The following OPCML variants were observed in gnomAD, a reference collection of about 807,000 sequenced individuals.
The protein encoded by OPCML is opioid-binding protein/cell adhesion molecule.
Under a neutral mutation model 37.8 loss-of-function variants are expected in OPCML, and 13 were observed. The ratio of observed to expected loss-of-function variants is 0.34; its 90% CI spans 0.22 to 0.55. OPCML has a LOEUF of 0.55. OPCML is among the 20% of genes least tolerant of loss of function. OPCML has a pLI of 0.91. For missense variants in OPCML, 341 were observed against 435.6 expected, an observed-to-expected ratio of 0.78 and a Z score of 1.93; for synonymous variants, 176 against 168.8, an observed-to-expected ratio of 1.04 and a Z score of -0.33.
At chr11:132,803,171 C>G (rs999123471) in intron 2 of OPCML, among the ~76,000 whole-genome samples, 5 of 152,128 alleles carry the variant, frequency 3.3e-5, no homozygotes, top group Non-Finnish European at 7.4e-5. Flanking sequence ...TAGCAGCTCC[C>G]TCTCTTCATC....
intron 1 of OPCML, among the ~76,000 whole-genome samples, chr11:133,194,878 C>T (rs1938477053): frequency 6.6e-6 from 1 of 152,202 alleles, no homozygotes. Flanking sequence ...GTTCAGCTGG[C>T]TTCCAGCATG....
rs552616529 is a variant in OPCML at position 133,004,992 on chromosome 11, C to G, written c.62-61982G>C. The stretch of plus-strand genomic sequence containing the variant: ...GGTCCTTCCCACCTGGACTGCTGCA[C>G]TCTTACTCCTCCCATCCCTCCTTTC... On this transcript the variant is annotated intron_variant, in intron 1 of 7. Coordinates refer to ENST00000524381, the MANE Select transcript of OPCML (RefSeq NM_001012393.5). The G allele has an allele frequency of 5.1e-6, 5 of 985,430 alleles. No individual in the cohort carries two copies. In the South Asian group the frequency reaches 1.9e-4, roughly 37 times the overall value. 61.0% of individuals were successfully genotyped at this position (985,430 alleles called of 1,614,324 possible).
At chr11:132,918,322 C>T (rs952426973) in intron 2 of OPCML, among the ~76,000 whole-genome samples, 4 of 152,106 alleles carry the variant, frequency 2.6e-5, no homozygotes, top group Admixed American at 2.0e-4. Flanking sequence ...TTGACCACAC[C>T]CAGATCAAAA....
chr11:133,099,442 CTTTTTTTT>C (rs35161811), intron 1 of OPCML, among the ~76,000 whole-genome samples: 1 of 119,484 alleles, frequency 8.4e-6, no homozygotes, highest in African/African-American at 3.2e-5. Flanking sequence ...TTCTTTTTTT[CTTTTTTTT>C]TTTTTTTTTT....
chr11:133,133,132 G>C (rs1949631294), intron 1 of OPCML, among the ~76,000 whole-genome samples: 2 of 152,152 alleles, frequency 1.3e-5, no homozygotes, highest in African/African-American at 4.8e-5. Context: ...GACTCAGAAG[G>C]CATGGCCTCC....
intron 2 of OPCML, chr11:132,860,563 T>C (rs936181101): frequency 6.6e-6 from 1 of 152,084 alleles, no homozygotes; most frequent in African/African-American, 2.4e-5. Flanking sequence ...GCCACGGCAA[T>C]CCATTACGTC....
At chr11:133,103,378 T>G (rs1190186139) in intron 1 of OPCML, among the ~76,000 whole-genome samples, 2 of 152,128 alleles carry the variant, frequency 1.3e-5, no homozygotes, top group African/African-American at 4.8e-5. Context: ...TATGTCCCCA[T>G]CTAAAAAAGT....
At chr11:133,341,896 C>T (rs1025892191) in intron 1 of OPCML, among the ~76,000 whole-genome samples, 9 of 151,162 alleles carry the variant, frequency 6.0e-5, no homozygotes, top group Non-Finnish European at 1.2e-4. Context: ...CCAGCCTGGG[C>T]GAAAGAATAA....
At chr11:133,140,830 G>C (rs1204529268) in intron 1 of OPCML, among the ~76,000 whole-genome samples, 1 of 15,000 alleles carries the variant, frequency 6.7e-5, no homozygotes, top group African/African-American at 8.4e-5. Context: ...AGAAGACGAC[G>C]ACGAAGAAGA....
At chr11:132,936,937 G>A (rs1205193483) in intron 2 of OPCML, among the ~76,000 whole-genome samples, 2 of 152,036 alleles carry the variant, frequency 1.3e-5, no homozygotes, top group African/African-American at 4.8e-5. Flanking sequence ...GTGCTGTCTT[G>A]TATATGTTAA....
At chr11:132,427,195 C>A (rs542591343) in intron 7 of OPCML, among the ~76,000 whole-genome samples, 2 of 152,178 alleles carry the variant, frequency 1.3e-5, no homozygotes, top group South Asian at 4.2e-4. Context: ...TTGTTGACAG[C>A]ACAGTGAGAT....
chr11:132,605,343 G>A (rs1205273720), intron 3 of OPCML, among the ~76,000 whole-genome samples: 1 of 151,850 alleles, frequency 6.6e-6, no homozygotes, highest in African/African-American at 2.4e-5. Context: ...GGATCATGAG[G>A]TCAGGAGATC....
chr11:132,896,089 AGTTT>A (rs1943831288), intron 2 of OPCML, among the ~76,000 whole-genome samples: 1 of 152,178 alleles, frequency 6.6e-6, no homozygotes, highest in Non-Finnish European at 1.5e-5. Flanking sequence ...TCAGGGAGTG[AGTTT>A]GTTTGATTGA....
intron 1 of OPCML, among the ~76,000 whole-genome samples, chr11:133,490,008 C>A (rs1005355651): frequency 6.6e-6 from 1 of 151,998 alleles, no homozygotes; most frequent in Non-Finnish European, 1.5e-5. Flanking sequence ...AACTGGAGAC[C>A]ATTATCGTAA....
chr11:133,432,671 C>A (rs765215225), intron 1 of OPCML, among the ~76,000 whole-genome samples: 7 of 152,132 alleles, frequency 4.6e-5, no homozygotes, highest in Non-Finnish European at 1.0e-4. Flanking sequence ...TATGTTAGAC[C>A]TACATGGGAG....
chr11:133,314,322 C>T (rs1175284116), intron 1 of OPCML, among the ~76,000 whole-genome samples: 1 of 144,220 alleles, frequency 6.9e-6, no homozygotes, highest in Admixed American at 6.9e-5. Context: ...TAATTAAATT[C>T]AATACACTAC....
intron 1 of OPCML, among the ~76,000 whole-genome samples, chr11:133,036,051 T>C (rs893599600): frequency 6.6e-6 from 1 of 152,352 alleles, no homozygotes; most frequent in South Asian, 2.1e-4. Context: ...AGCAAACTAA[T>C]ACATCAACAT....
chr11:132,718,613 T>C (rs1455996736), intron 2 of OPCML, among the ~76,000 whole-genome samples: 1 of 152,172 alleles, frequency 6.6e-6, no homozygotes, highest in African/African-American at 2.4e-5. Flanking sequence ...GACGTGTCCA[T>C]ACGTGTCCTA....
intron 1 of OPCML, chr11:133,421,699 G>T: frequency 1.0e-6 from 1 of 984,556 alleles, no homozygotes; most frequent in Non-Finnish European, 1.2e-6. Flanking sequence ...CTTCCTTATT[G>T]TGTATTAAGG....
Sources: allele counts gnomAD v4.1 joint callset (sites outside exome capture counted in the v4.1 genomes callset), GRCh38; gene constraint gnomAD v4.1.1; transcripts MANE v1.5; gene names NCBI Gene and HGNC (gene_info 2026-07-23, HGNC 2026-07-21).